PADI2: variants seen among roughly 807,000 people sequenced by gnomAD.
PADI2 encodes the protein peptidyl arginine deiminase 2.
PADI2 carries 70 observed loss-of-function variants against 81.1 expected under a neutral mutation model. The ratio of observed to expected loss-of-function variants is 0.86; its 90% CI spans 0.71 to 1.05. The LOEUF is 1.05. Among genes scored for constraint, PADI2 ranks in the 50% least tolerant of loss-of-function variants. PADI2 has a pLI of 0.00. For synonymous variants in PADI2, 338 were observed against 358.0 expected, an observed-to-expected ratio of 0.94 and a Z score of 0.63; for missense variants, 853 against 889.9, an observed-to-expected ratio of 0.96 and a Z score of 0.53.
chr1:17,096,439 C>T (rs780666563), intron 3 of PADI2, among the ~76,000 whole-genome samples: 2 of 152,256 alleles, frequency 1.3e-5, no homozygotes, highest in Non-Finnish European at 2.9e-5. Flanking sequence ...CCCGGGCATG[C>T]GCATAGGTGT....
At chr1:17,078,961 G>T (rs527981173) in intron 11 of PADI2, 50 of 192,502 alleles carry the variant, frequency 2.6e-4, no homozygotes, top group African/African-American at 1.1e-3. Flanking sequence ...CTCCCAAAGT[G>T]TTGGGATTAC....
chr1:17,110,978 T>C (rs1428452024), intron 1 of PADI2, among the ~76,000 whole-genome samples: 1 of 152,082 alleles, frequency 6.6e-6, no homozygotes, highest in Non-Finnish European at 1.5e-5. Context: ...TCACTCAACA[T>C]GTATTTACTG....
At chr1:17,090,482 G>A (rs1308255379) in intron 6 of PADI2, among the ~76,000 whole-genome samples, 3 of 152,122 alleles carry the variant, frequency 2.0e-5, no homozygotes, top group African/African-American at 4.8e-5. Context: ...CCTGACATTC[G>A]CTCATCCACA....
chr1:17,112,525 G>T (rs984385223), intron 1 of PADI2, among the ~76,000 whole-genome samples: 3 of 22,454 alleles, frequency 1.3e-4, no homozygotes, highest in Non-Finnish European at 6.2e-4. Context: ...GAGGAGTCTG[G>T]GGGGGGGAGT....
In PADI2 at chr1:17,069,204, C is replaced by A; in HGVS notation, c.1838G>T (p.Cys613Phe). 6.2e-7 allele frequency: 1 copy of A among 1,614,242 alleles called. No homozygotes were observed. The highest frequency in any genetic ancestry group is 8.5e-7 in the Non-Finnish European group (1 of 1,180,038). ...PFGPQVEEEC[C>F]LEMHVRGLLE... ...GAGGCCACGCACGTGCATCTCCAGG[C>A]AGCATTCCTCCTCAACCTGTGGCCC... Residue 613 changes from cysteine to phenylalanine, a missense_variant, in exon 16 of 16, where the codon TGC (cysteine) becomes TTC (phenylalanine). Coordinates refer to ENST00000375486, the MANE Select transcript of PADI2 (RefSeq NM_007365.3).
intron 1 of PADI2, among the ~76,000 whole-genome samples, chr1:17,111,807 G>C (rs1004301721): frequency 6.6e-6 from 1 of 152,204 alleles, no homozygotes; most frequent in Non-Finnish European, 1.5e-5. Flanking sequence ...CAAGGAAGGA[G>C]AGGAAGAGGA....
chr1:17,084,242 C>T (rs542426445), intron 8 of PADI2, among the ~76,000 whole-genome samples: 2 of 152,270 alleles, frequency 1.3e-5, no homozygotes, highest in South Asian at 4.1e-4. Flanking sequence ...CTGTTGTGGA[C>T]CTAGCTCATA....
chr1:17,071,864 C>T (rs1319682543), intron 13 of PADI2, among the ~76,000 whole-genome samples: 1 of 152,196 alleles, frequency 6.6e-6, no homozygotes, highest in Non-Finnish European at 1.5e-5. Context: ...GCAGCATGGC[C>T]AAAGGGGACA....
intron 12 of PADI2, chr1:17,075,199 T>G (rs11587313): frequency 0.022 from 9,540 of 425,758 alleles, 156 homozygotes; most frequent in Non-Finnish European, 0.032. Flanking sequence ...ATCTCCAAGT[T>G]GCCAAGCAGC....
intron 6 of PADI2, among the ~76,000 whole-genome samples, chr1:17,089,132 G>A (rs1930581344): frequency 6.6e-6 from 1 of 152,076 alleles, no homozygotes; most frequent in Admixed American, 6.6e-5. Flanking sequence ...TCATTGAATA[G>A]TTTCCAAACA....
chr1:17,099,424 C>A (rs1931061986), intron 3 of PADI2, among the ~76,000 whole-genome samples: 1 of 152,120 alleles, frequency 6.6e-6, no homozygotes, highest in African/African-American at 2.4e-5. Flanking sequence ...TCCCCCATCC[C>A]TCCCAAAAAA....
chr1:17,067,215 AAAAAAAAGAAAG>A lies in PADI2; in HGVS notation c.*1817_*1828del, dbSNP rs2078228928. The stretch of plus-strand genomic sequence containing the variant: ...CCTAATGTAGACTAAAAAAAAAAAG[AAAAAAAAGAAAG>A]AAAACCCATAAACCCACATTAACCA... On this transcript the variant is annotated 3_prime_UTR_variant, in exon 16 of 16. Coordinates refer to ENST00000375486, the MANE Select transcript of PADI2 (RefSeq NM_007365.3). 2 of 38,372 alleles carry A rather than the reference AAAAAAAAGAAAG, an allele frequency of 5.2e-5. No individual in the cohort carries two copies. 2.4% of individuals were successfully genotyped at this position (38,372 alleles called of 1,614,324 possible).
At chr1:17,073,416 C>CAGA (rs1491363328) in intron 13 of PADI2, among the ~76,000 whole-genome samples, 2 of 127,456 alleles carry the variant, frequency 1.6e-5, no homozygotes, top group Admixed American at 1.6e-4. Context: ...GACTGTGTCT[C>CAGA]AAAAAAAAAA....
chr1:17,077,989 C>G (rs574250794), intron 11 of PADI2, among the ~76,000 whole-genome samples: 2 of 152,224 alleles, frequency 1.3e-5, no homozygotes, highest in Non-Finnish European at 2.9e-5. Flanking sequence ...CACGTCTGCT[C>G]ATACCTCTTT....
chr1:17,096,042 G>T, intron 3 of PADI2, 72 bp from the exon 4 acceptor site: 1 of 1,222,612 alleles, frequency 8.2e-7, no homozygotes, highest in Non-Finnish European at 1.2e-6. Context: ...AGGAAGACCT[G>T]TGGGATTTGG....
intron 4 of PADI2, among the ~76,000 whole-genome samples, chr1:17,094,677 C>G (rs1328254755): frequency 6.6e-6 from 1 of 152,210 alleles, no homozygotes; most frequent in African/African-American, 2.4e-5. Flanking sequence ...ATAAAAGATG[C>G]TCAGCAAATA....
rs1440489458 is a variant in PADI2, at chr1:17,086,627, C to T, written c.728G>A (p.Gly243Asp). The change falls in exon 7 of 16, where the codon GGT becomes GAT. Residue 243 changes from glycine (G) to aspartate (D), a missense_variant. Physicochemically the swap from Gly to Asp is moderately conservative, Grantham distance 94 (BLOSUM62 -1). Transcript: ENST00000375486. Reference sequence around the variant, plus strand: ...GAAGAACAGCAGCTCCGCGGAGCCACCCGTGTACTTGACCACATGGTAGAG... The same window carrying T: ...GAAGAACAGCAGCTCCGCGGAGCCATCCGTGTACTTGACCACATGGTAGAG... ...RKLYHVVKYT[G>D]GSAELLFFVE... The T allele has an allele frequency of 3.1e-6, 5 of 1,614,090 alleles. No individual in the cohort carries two copies. In the South Asian group the frequency reaches 3.3e-5, roughly 11 times the overall value.
intron 11 of PADI2, among the ~76,000 whole-genome samples, chr1:17,078,307 T>C (rs35108553): frequency 0.56 from 84,294 of 151,768 alleles, 23,613 homozygotes; most frequent in Non-Finnish European, 0.59. Flanking sequence ...GACGAGATTT[T>C]TCCATGTTGG....
At chr1:17,100,050 G>GA (rs201019498) in intron 3 of PADI2, among the ~76,000 whole-genome samples, 3 of 152,080 alleles carry the variant, frequency 2.0e-5, no homozygotes, top group Admixed American at 1.3e-4. Flanking sequence ...GGGGTTGGGG[G>GA]GGGGCTTGCC....
Sources: allele counts gnomAD v4.1 joint callset (sites outside exome capture counted in the v4.1 genomes callset), GRCh38; gene constraint gnomAD v4.1.1; transcripts MANE v1.5; gene names NCBI Gene and HGNC (gene_info 2026-07-23, HGNC 2026-07-21).